CFAP58: variants seen among roughly 807,000 people sequenced by gnomAD.
The protein encoded by CFAP58 is cilia- and flagella-associated protein 58.
In CFAP58, 88 loss-of-function variants were observed where a neutral mutation model predicts 119.5. The observed-to-expected ratio is 0.74, with a 90% confidence interval of 0.62 to 0.88. CFAP58 has a LOEUF of 0.88. CFAP58 is among the 40% of genes least tolerant of loss of function. The pLI is 0.00. For synonymous variants in CFAP58, 365 were observed against 366.3 expected (o/e 1.00, Z 0.04); for missense variants, 990 against 1,021.2 (o/e 0.97, Z 0.42).
chr10:104,397,471 TG>T (rs2012184769), intron 11 of CFAP58, among the ~76,000 whole-genome samples: 1 of 152,360 alleles, frequency 6.6e-6, no homozygotes, highest in Admixed American at 6.5e-5. Flanking sequence ...TTTTACTGTT[TG>T]GATAAGTCTG....
intron 5 of CFAP58, 152 bp downstream of exon 5, chr10:104,366,160 C>A (rs1206204953): frequency 4.6e-5 from 30 of 651,112 alleles, no homozygotes; most frequent in Non-Finnish European, 5.6e-5. Flanking sequence ...GCAATTTGGT[C>A]TTTGAATGGC....
At chr10:104,386,259 T>A (rs1241459557) in intron 9 of CFAP58, among the ~76,000 whole-genome samples, 1 of 151,524 alleles carries the variant, frequency 6.6e-6, no homozygotes, top group African/African-American at 2.4e-5. Context: ...GCACCTGTAA[T>A]CCCAGCTACT....
At chr10:104,398,660 T>C (rs1289863150) in intron 11 of CFAP58, among the ~76,000 whole-genome samples, 1 of 152,214 alleles carries the variant, frequency 6.6e-6, no homozygotes, top group Non-Finnish European at 1.5e-5. Context: ...AGTCTAATGA[T>C]GATTTTTTCT....
At chr10:104,421,562 G>A (rs929575972) in intron 15 of CFAP58, among the ~76,000 whole-genome samples, 1 of 152,186 alleles carries the variant, frequency 6.6e-6, no homozygotes, top group Admixed American at 6.5e-5. Flanking sequence ...TAAGATTCAA[G>A]GAAGAGAGAA....
At chr10:104,383,621 C>T (rs184784630) in intron 9 of CFAP58, among the ~76,000 whole-genome samples, 9 of 152,304 alleles carry the variant, frequency 5.9e-5, no homozygotes, top group East Asian at 5.8e-4. Flanking sequence ...TTATCACCTA[C>T]AATTTTTCTG....
intron 16 of CFAP58, among the ~76,000 whole-genome samples, chr10:104,449,292 T>A (rs1383276200): frequency 6.6e-6 from 1 of 152,164 alleles, no homozygotes; most frequent in Non-Finnish European, 1.5e-5. Context: ...AAGATCTCCC[T>A]TTTATGCAAA....
the CFAP58 span, among the ~76,000 whole-genome samples, chr10:104,345,172 A>G: frequency 6.6e-6 from 1 of 151,918 alleles, no homozygotes; most frequent in Non-Finnish European, 1.5e-5. Context: ...CAAAAAGCTT[A>G]TTCCTTTAAT....
At chr10:104,438,774 T>C (rs993237386) in intron 15 of CFAP58, among the ~76,000 whole-genome samples, 5 of 152,232 alleles carry the variant, frequency 3.3e-5, no homozygotes, top group African/African-American at 4.8e-5. Context: ...CTTCCACTCA[T>C]AGGTCTATAT....
At chr10:104,346,888 A>C in the CFAP58 span, among the ~76,000 whole-genome samples, 1 of 152,012 alleles carries the variant, frequency 6.6e-6, no homozygotes, top group South Asian at 2.1e-4. Flanking sequence ...TCCCTGCCTC[A>C]GCCTCCCAAA....
chr10:104,436,804 G>T (rs895070985), intron 15 of CFAP58, among the ~76,000 whole-genome samples: 1 of 152,168 alleles, frequency 6.6e-6, no homozygotes, highest in African/African-American at 2.4e-5. Flanking sequence ...GTCATTGAAG[G>T]CATATATAGT....
chr10:104,347,347 C>T, the CFAP58 span, among the ~76,000 whole-genome samples: 6 of 152,064 alleles, frequency 3.9e-5, no homozygotes, highest in East Asian at 1.2e-3. Flanking sequence ...AACAAATGTT[C>T]TGTTAAGTTA....
intron 8 of CFAP58, among the ~76,000 whole-genome samples, chr10:104,378,403 TTTAATAGGCC>T (rs1354769010): frequency 1.3e-5 from 2 of 152,212 alleles, no homozygotes; most frequent in Non-Finnish European, 2.9e-5. Context: ...CCAACCAACA[TTTAATAGGCC>T]TTTTACCTGA....
At chr10:104,381,458 C>T (rs112828895) in intron 9 of CFAP58, among the ~76,000 whole-genome samples, 14 of 152,158 alleles carry the variant, frequency 9.2e-5, no homozygotes, top group East Asian at 3.9e-4. Flanking sequence ...GTTTTAGTTA[C>T]GAGGCTGATA....
At chr10:104,340,789 G>A in the CFAP58 span, among the ~76,000 whole-genome samples, 2 of 152,248 alleles carry the variant, frequency 1.3e-5, no homozygotes, top group East Asian at 1.9e-4. Context: ...AGGGATTGGG[G>A]TTAGTATCTA....
chr10:104,415,536 G>C (rs943494550), intron 15 of CFAP58, among the ~76,000 whole-genome samples: 9 of 152,172 alleles, frequency 5.9e-5, no homozygotes, highest in African/African-American at 2.2e-4. Flanking sequence ...ACACCCATGC[G>C]CCTGAGGTGT....
rs573380966 is a variant in CFAP58 at position 104,380,315 on chromosome 10, G to T, written c.1365+95G>T. The T allele has an allele frequency of 1.4e-5, 16 of 1,171,920 alleles. No individual in the cohort carries two copies. The African/African-American group carries it at 2.0e-4, about 15-fold the overall frequency. 72.6% of individuals were successfully genotyped at this position (1,171,920 alleles called of 1,614,324 possible). ...AACTGTTGCAAAGAGAATTTATTCA[G>T]ATTTCTGTTTGTAATTTGTGTGAAG... On this transcript the variant is annotated intron_variant, in intron 9 of 17. Transcript: ENST00000369704.
At chr10:104,347,710 A>G in the CFAP58 span, among the ~76,000 whole-genome samples, 1 of 152,060 alleles carries the variant, frequency 6.6e-6, no homozygotes, top group Non-Finnish European at 1.5e-5. Context: ...GATATATACA[A>G]AGAAAACTCA....
chr10:104,371,429 C>T (rs1332071749), intron 7 of CFAP58, among the ~76,000 whole-genome samples: 2 of 152,204 alleles, frequency 1.3e-5, no homozygotes, highest in Non-Finnish European at 2.9e-5. Flanking sequence ...CCTTCATTAG[C>T]AGTATCTGGG....
At chr10:104,362,676 G>C (rs11192023) in intron 3 of CFAP58, among the ~76,000 whole-genome samples, 2 of 152,142 alleles carry the variant, frequency 1.3e-5, no homozygotes, top group Admixed American at 1.3e-4. Context: ...CTACTGCCTT[G>C]GTTCAGGCCT....
Sources: allele counts gnomAD v4.1 joint callset (sites outside exome capture counted in the v4.1 genomes callset), GRCh38; gene constraint gnomAD v4.1.1; transcripts MANE v1.5; gene names NCBI Gene and HGNC (gene_info 2026-07-23, HGNC 2026-07-21).